PHF20: variants seen among roughly 807,000 people sequenced by gnomAD.
PHF20 encodes the protein PHD finger protein 20, also known as glioma-expressed antigen 2.
In PHF20, 23 loss-of-function variants were observed where a neutral mutation model predicts 113.5. The observed-to-expected ratio is 0.20, with a 90% CI of 0.15 to 0.29. The LOEUF is 0.29. Among genes scored for constraint, PHF20 ranks in the 10% least tolerant of loss-of-function variants. The pLI, the probability that PHF20 is intolerant of heterozygous loss-of-function variation, is 1.00. For synonymous variants in PHF20, 434 were observed against 457.3 expected, an observed-to-expected ratio of 0.95 and a Z score of 0.65; for missense variants, 943 against 1,219.6, an observed-to-expected ratio of 0.77 and a Z score of 3.38.
In PHF20 at chr20:35,913,345, C is replaced by G. The variant is rs953634596; in HGVS notation, c.1658C>G (p.Pro553Arg). 7.6e-6 allele frequency: 12 copies of G among 1,589,306 alleles called. No homozygotes were observed. The highest frequency in any genetic ancestry group is 1.0e-5 in the Non-Finnish European group (12 of 1,167,194). ...KKKKKKKKTK[P>R]ECPCSEEISD... is the part of the protein sequence containing the mutation. ...AAGAAAAAGAAAAAGAAAACCAAAC[C>G]TGGTAATTTTTTTTCCTGAGGGTTT... Residue 553 changes from proline to arginine, a missense_variant and splice_region_variant, in exon 11 of 18, where the codon CCT becomes CGT. By Grantham distance (103) the Pro-to-Arg change is moderately radical. Transcript: ENST00000374012.
chr20:35,780,074 T>C (rs1422185963), intron 1 of PHF20, among the ~76,000 whole-genome samples: 1 of 152,142 alleles, frequency 6.6e-6, no homozygotes, highest in East Asian at 1.9e-4. Flanking sequence ...TTTCTTTGCC[T>C]CCTGTCCCAG....
intron 2 of PHF20, among the ~76,000 whole-genome samples, chr20:35,810,715 C>T (rs967384974): frequency 6.6e-6 from 1 of 152,136 alleles, no homozygotes; most frequent in African/African-American, 2.4e-5. Context: ...TTCCTGACTC[C>T]TAAATCAAAA....
chr20:35,800,792 C>T (rs1028204467), intron 1 of PHF20, among the ~76,000 whole-genome samples: 9 of 152,046 alleles, frequency 5.9e-5, no homozygotes, highest in African/African-American at 1.9e-4. Context: ...AATAAACAGA[C>T]CTCGTACAGC....
intron 9 of PHF20, among the ~76,000 whole-genome samples, chr20:35,882,465 T>C (rs1265584140): frequency 6.6e-6 from 1 of 152,242 alleles, no homozygotes; most frequent in Non-Finnish European, 1.5e-5. Context: ...TTTTGCTCTG[T>C]CATCCAGGCT....
intron 13 of PHF20, among the ~76,000 whole-genome samples, chr20:35,924,220 T>G (rs2055576587): frequency 6.6e-6 from 1 of 150,986 alleles, no homozygotes; most frequent in African/African-American, 2.4e-5. Flanking sequence ...CGATGGAGTT[T>G]TGCTCTTGTC....
In PHF20 at chr20:35,947,614, GC is replaced by G; in HGVS notation, c.3027del (p.Cys1010AlafsTer29). 6.2e-7 allele frequency: 1 copy of G among 1,613,828 alleles called. No individual in the cohort carries two copies. Among genetic ancestry groups the G allele is most frequent in the Non-Finnish European group, 8.5e-7 (1 of 1,179,880 alleles). On this transcript the variant is annotated frameshift_variant, in exon 18 of 18. Transcript: ENST00000374012. LOFTEE classifies it high-confidence loss of function. ...DLGKVQQIAL[C>X]CST The stretch of plus-strand genomic sequence containing the variant: ...GGCAAGGTGCAGCAGATCGCCCTCT[GC>G]TGCTCAACATGAAACTGGGCACCCA...
At chr20:35,859,784 A>C (rs985476842) in intron 5 of PHF20, among the ~76,000 whole-genome samples, 1 of 152,162 alleles carries the variant, frequency 6.6e-6, no homozygotes, top group African/African-American at 2.4e-5. Context: ...AGTTCAGGCA[A>C]TCTGCCCACC....
Position 35,858,299 on chromosome 20 carries a change from T to C in PHF20, c.341-3T>C. The C allele has an allele frequency of 6.8e-7, 1 of 1,467,476 alleles. No homozygotes were observed. The highest frequency in any genetic ancestry group is 9.5e-7 in the Non-Finnish European group (1 of 1,054,624). 90.9% of individuals were successfully genotyped at this position (1,467,476 alleles called of 1,614,324 possible). A position where few individuals can be genotyped will look rare whatever the true frequency, so the allele number is the denominator to read the frequency against. ...AAAATCATGATATCTTCTTGAATTT[T>C]AGGTACTTACACTGTGAAATTTTAT... On this transcript the variant is annotated splice_region_variant and splice_polypyrimidine_tract_variant and intron_variant, in intron 4 of 17. Transcript: ENST00000374012.
At position 35,914,041 on chromosome 20, in the gene PHF20, T is replaced by G; in HGVS notation, c.1669T>G (p.Cys557Gly). ...KKKKTKPECP[C>G]SEEISDTSQE... Reference sequence around the variant, plus strand: ...TGATCCTGTTCTTCCAGAATGCCCCTGCAGTGAGGAGATCAGTGACACCTC... The same window carrying G: ...TGATCCTGTTCTTCCAGAATGCCCCGGCAGTGAGGAGATCAGTGACACCTC... The change falls in exon 12 of 18, where the codon TGC (cysteine) becomes GGC (glycine). Residue 557 changes from cysteine to glycine, a missense_variant. Coordinates refer to ENST00000374012, the MANE Select transcript of PHF20 (RefSeq NM_016436.5). The G allele has an allele frequency of 1.2e-6, 2 of 1,614,154 alleles. No homozygotes were observed. Among genetic ancestry groups the G allele is most frequent in the South Asian group, 1.1e-5 (1 of 91,086 alleles).
intron 13 of PHF20, 110 bp from the exon 14 acceptor site, chr20:35,927,670 C>T: frequency 2.5e-6 from 2 of 814,320 alleles, no homozygotes; most frequent in Non-Finnish European, 4.3e-6. Context: ...GTGCTCCTTC[C>T]TCCCCTCTCC....
At chr20:35,784,581 C>T (rs1420050270) in intron 1 of PHF20, among the ~76,000 whole-genome samples, 2 of 151,638 alleles carry the variant, frequency 1.3e-5, no homozygotes, top group Non-Finnish European at 2.9e-5. Context: ...GGAATACAGG[C>T]GTGTGCCACT....
At chr20:35,794,266 C>T (rs2146853157) in intron 1 of PHF20, among the ~76,000 whole-genome samples, 1 of 150,216 alleles carries the variant, frequency 6.7e-6, no homozygotes, top group Admixed American at 6.6e-5. Context: ...TGCCACTGCA[C>T]TCCAGCCTGG....
intron 2 of PHF20, among the ~76,000 whole-genome samples, chr20:35,823,632 CAAAAA>C (rs34177764): frequency 1.9e-5 from 1 of 53,762 alleles, no homozygotes; most frequent in Admixed American, 2.2e-4. Context: ...GACCCTGTCT[CAAAAA>C]AAAAAAAAAA....
intron 9 of PHF20, among the ~76,000 whole-genome samples, chr20:35,873,466 G>GTTTTTTTTTTTTT (rs759056358): frequency 3.6e-5 from 3 of 82,396 alleles, no homozygotes; most frequent in African/African-American, 5.0e-5. Flanking sequence ...CTGTTTTTTT[G>GTTTTTTTTTTTTT]TTTTTTTTTT....
chr20:35,811,568 A>G lies in PHF20; in HGVS notation c.83+9963A>G, dbSNP rs577767053. Among the ~76,000 whole-genome samples, 13 of 150,286 alleles carry G rather than the reference A, an allele frequency of 8.7e-5. No individual in the cohort carries two copies. In the South Asian group the frequency reaches 2.7e-3, roughly 32 times the overall value. On this transcript the variant is annotated intron_variant, in intron 2 of 17. Transcript: ENST00000374012. ...AGCGATTCTTCTGTCTCAGTCTCCCAAGCAGCTCGGATTACATGCATGCGC... is the reference window on the plus strand; with the variant it reads ...AGCGATTCTTCTGTCTCAGTCTCCCGAGCAGCTCGGATTACATGCATGCGC...
intron 4 of PHF20, chr20:35,856,569 C>T (rs1237348091): frequency 6.6e-6 from 1 of 152,238 alleles, no homozygotes. Context: ...GTTATGGTCT[C>T]TGGCCTTGAA....
chr20:35,871,843 G>C lies in PHF20; in HGVS notation c.1282+14G>C, dbSNP rs1020462357. The C allele has an allele frequency of 3.2e-6, 5 of 1,555,882 alleles. No individual in the cohort carries two copies. The highest frequency in any genetic ancestry group is 3.6e-5 in the Admixed American group (2 of 55,106). ...CGACTGTGGAAGGTTCATATTTAGA[G>C]TTAAATTAATCCTCTTTTTATATAC... On this transcript the variant is annotated intron_variant, in intron 9 of 17. Transcript: ENST00000374012.
chr20:35,842,624 C>T lies in PHF20; in HGVS notation c.135C>T (p.Ile45=). ...DIDYEEGKVL[I]HFKRWNHRYD... is the part of the protein sequence containing the mutation. ...ACTACGAGGAAGGAAAAGTACTCAT[C>T]CATTTCAAGCGTTGGAACCATCGTT... Residue 45 remains isoleucine (I), a synonymous_variant, in exon 3 of 18, where the codon ATC becomes ATT. Coordinates refer to ENST00000374012, the MANE Select transcript of PHF20 (RefSeq NM_016436.5). 1 of 1,613,882 alleles carries T rather than the reference C, an allele frequency of 6.2e-7. No homozygotes were observed. The highest frequency in any genetic ancestry group is 8.5e-7 in the Non-Finnish European group (1 of 1,179,796).
intron 1 of PHF20, among the ~76,000 whole-genome samples, chr20:35,779,044 T>G (rs1008437445): frequency 3.4e-5 from 5 of 148,000 alleles, no homozygotes; most frequent in Non-Finnish European, 6.0e-5. Context: ...TTGTTTTTTG[T>G]TTTTTTTTTG....
Sources: allele counts gnomAD v4.1 joint callset (sites outside exome capture counted in the v4.1 genomes callset), GRCh38; gene constraint gnomAD v4.1.1; transcripts MANE v1.5; gene names NCBI Gene and HGNC (gene_info 2026-07-23, HGNC 2026-07-21).